Variants in MPPED1 observed in about 807,000 individuals in gnomAD.
The protein encoded by MPPED1 is metallophosphoesterase domain-containing protein 1.
In MPPED1, 16 loss-of-function variants were observed where a neutral mutation model predicts 36.2. The observed-to-expected ratio is 0.44, with a 90% CI of 0.30 to 0.67. The LOEUF is 0.67. MPPED1 is among the 30% of genes least tolerant of loss of function. MPPED1 has a pLI of 0.10. For missense variants in MPPED1, 307 were observed against 453.4 expected (o/e 0.68, Z 2.93); for synonymous variants, 199 against 191.3 (o/e 1.04, Z -0.33).
At chr22:43,429,271 C>A (rs1295443979) in intron 2 of MPPED1, among the ~76,000 whole-genome samples, 2 of 152,142 alleles carry the variant, frequency 1.3e-5, no homozygotes, top group East Asian at 3.9e-4. Context: ...GGCTCCTTGG[C>A]CTTTCCACAC....
intron 1 of MPPED1, chr22:43,417,019 G>A (rs1929098717): frequency 2.0e-6 from 2 of 985,174 alleles, no homozygotes; most frequent in South Asian, 4.7e-5. Context: ...GATCCAGTAA[G>A]TAGCACTCTT....
chr22:43,447,821 T>C (rs1211803652), intron 3 of MPPED1, among the ~76,000 whole-genome samples: 1 of 140,344 alleles, frequency 7.1e-6, no homozygotes, highest in African/African-American at 2.6e-5. Flanking sequence ...ATATTTATAT[T>C]TTTATATAAA....
At chr22:43,487,443 G>C (rs138730824) in intron 4 of MPPED1, among the ~76,000 whole-genome samples, 2 of 152,348 alleles carry the variant, frequency 1.3e-5, no homozygotes, top group Non-Finnish European at 2.9e-5. Flanking sequence ...AAGGTGGGCA[G>C]GGCAGATCCT....
chr22:43,468,990 G>C (rs900332063), intron 3 of MPPED1, among the ~76,000 whole-genome samples: 2 of 152,160 alleles, frequency 1.3e-5, no homozygotes, highest in African/African-American at 4.8e-5. Flanking sequence ...TGCCCAGCCC[G>C]GGGGTGCTCT....
At chr22:43,446,042 T>C (rs959826152) in intron 3 of MPPED1, among the ~76,000 whole-genome samples, 4 of 150,478 alleles carry the variant, frequency 2.7e-5, no homozygotes, top group African/African-American at 9.8e-5. Context: ...GGCTGATTTT[T>C]CTATTTTTTG....
chr22:43,463,969 C>T (rs1488099534), intron 3 of MPPED1, among the ~76,000 whole-genome samples: 2 of 151,394 alleles, frequency 1.3e-5, no homozygotes, highest in Non-Finnish European at 2.9e-5. Context: ...GGTGTAGTGA[C>T]GTGATCTCGA....
At chr22:43,457,996 A>G (rs192706091) in intron 3 of MPPED1, among the ~76,000 whole-genome samples, 20 of 152,346 alleles carry the variant, frequency 1.3e-4, no homozygotes, top group African/African-American at 4.8e-4. Flanking sequence ...TAGATATACA[A>G]ATACTTACCA....
At chr22:43,491,902 T>C (rs1428230797) in intron 4 of MPPED1, among the ~76,000 whole-genome samples, 1 of 150,370 alleles carries the variant, frequency 6.7e-6, no homozygotes, top group Non-Finnish European at 1.5e-5. Flanking sequence ...GTGGTGGTGT[T>C]GGAGGTGGTG....
intron 3 of MPPED1, among the ~76,000 whole-genome samples, chr22:43,469,852 C>T (rs1931306023): frequency 6.6e-6 from 1 of 152,052 alleles, no homozygotes; most frequent in African/African-American, 2.4e-5. Flanking sequence ...TTCACCTATC[C>T]ACCCACCCAT....
chr22:43,486,160 G>T (rs1452802669), intron 4 of MPPED1, among the ~76,000 whole-genome samples: 1 of 131,804 alleles, frequency 7.6e-6, no homozygotes, highest in Non-Finnish European at 1.8e-5. Flanking sequence ...TGGTCTCCAT[G>T]CAGGCATGCC....
chr22:43,427,665 G>C (rs1445896465), intron 2 of MPPED1, among the ~76,000 whole-genome samples: 1 of 152,192 alleles, frequency 6.6e-6, no homozygotes, highest in Non-Finnish European at 1.5e-5. Context: ...GAGCTGCTGA[G>C]TTTCTCACTG....
At chr22:43,465,532 G>C (rs188232470) in intron 3 of MPPED1, among the ~76,000 whole-genome samples, 2 of 152,218 alleles carry the variant, frequency 1.3e-5, no homozygotes, top group Non-Finnish European at 2.9e-5. Context: ...AACAAGGCAG[G>C]GGCCTCGAAG....
chr22:43,457,907 T>C (rs151184483), intron 3 of MPPED1, among the ~76,000 whole-genome samples: 1 of 152,374 alleles, frequency 6.6e-6, no homozygotes, highest in African/African-American at 2.4e-5. Context: ...GTAATGATGT[T>C]TCTGTCAATG....
At chr22:43,447,361 T>C (rs769573898) in intron 3 of MPPED1, among the ~76,000 whole-genome samples, 9 of 152,190 alleles carry the variant, frequency 5.9e-5, no homozygotes, top group Admixed American at 2.0e-4. Context: ...TACAGGATTT[T>C]ATTCCAGAAC....
chr22:43,413,700 GC>G (rs1041575112), intron 1 of MPPED1, among the ~76,000 whole-genome samples: 1 of 152,224 alleles, frequency 6.6e-6, no homozygotes, highest in Non-Finnish European at 1.5e-5. Flanking sequence ...TTTCTGAGTG[GC>G]AGCCCCACAA....
rs934334486 is a variant in MPPED1, at chr22:43,507,448, C to T, written c.*1832C>T. On this transcript the variant is annotated 3_prime_UTR_variant, in exon 7 of 7. Transcript: ENST00000443721. ...TATCGGGTTGGCTGAAGCTGAGCGCCGTGGGGTGCAGGGCTCCAGGAATCC... is the reference window on the plus strand; with the variant it reads ...TATCGGGTTGGCTGAAGCTGAGCGCTGTGGGGTGCAGGGCTCCAGGAATCC... 51 of 152,022 alleles carry T rather than the reference C, an allele frequency of 3.4e-4. No individual in the cohort carries two copies. The highest frequency in any genetic ancestry group is 2.8e-3 in the Admixed American group (42 of 15,244). The allele number at this position is 152,022 out of a possible 1,614,324, so 9.4% of individuals were successfully genotyped here.
At chr22:43,492,012 A>G (rs1202155236) in intron 4 of MPPED1, among the ~76,000 whole-genome samples, 1 of 136,100 alleles carries the variant, frequency 7.3e-6, no homozygotes. Context: ...GGTGGTGATG[A>G]TGTTGGTGAT....
chr22:43,488,848 C>T (rs569899359), intron 4 of MPPED1, among the ~76,000 whole-genome samples: 2 of 152,378 alleles, frequency 1.3e-5, no homozygotes, highest in South Asian at 2.1e-4. Context: ...TCCTCAGGCG[C>T]TGTGGTGTGC....
chr22:43,432,530 T>TGGAGGAGAGAAAG (rs1929750027), intron 2 of MPPED1, among the ~76,000 whole-genome samples: 2 of 26,262 alleles, frequency 7.6e-5, no homozygotes, highest in Non-Finnish European at 1.5e-4. Flanking sequence ...AGGAGAGAGA[T>TGGAGGAGAGAAAG]AAAGGGAGGA....
Sources: gnomAD v4.1 joint callset for allele counts (sites outside exome capture counted in the v4.1 genomes callset) on GRCh38, gnomAD v4.1.1 for gene constraint, MANE v1.5 for transcripts, NCBI Gene and HGNC (gene_info 2026-07-23, HGNC 2026-07-21) for gene names.